The following CD96 variants were observed in gnomAD, a reference collection of about 807,000 sequenced individuals.
CD96 encodes the protein CD96 molecule.
CD96 carries 70 observed loss-of-function variants against 71.3 expected under a neutral mutation model. The observed-to-expected ratio is 0.98, with a 90% CI of 0.81 to 1.20. The LOEUF is 1.20. Ranked by LOEUF, CD96 falls within the 50% of genes most tolerant of loss-of-function variation. CD96 has a pLI of 0.00. For missense variants in CD96, 742 were observed against 677.5 expected (o/e 1.10, Z -1.06); for synonymous variants, 248 against 233.0 (o/e 1.06, Z -0.59).
intron 12 of CD96, among the ~76,000 whole-genome samples, chr3:111,638,899 G>A (rs1939461877): frequency 6.6e-6 from 1 of 151,602 alleles, no homozygotes; most frequent in African/African-American, 2.4e-5. Flanking sequence ...TTAGAGATGG[G>A]TCAAAAATGG....
chr3:111,664,510 G>A (rs531160081), intron 14 of CD96, among the ~76,000 whole-genome samples: 1 of 152,152 alleles, frequency 6.6e-6, no homozygotes, highest in African/African-American at 2.4e-5. Context: ...GACTACTAGA[G>A]CATAAAGGGA....
chr3:111,656,004 G>A (rs895845709), downstream of CD96, among the ~76,000 whole-genome samples: 10 of 151,752 alleles, frequency 6.6e-5, no homozygotes, highest in African/African-American at 2.4e-4. Context: ...GATAAATTTA[G>A]CTACTTAAGA....
rs142295060 is a variant in CD96 at position 111,645,671 on chromosome 3, T to C, written c.1478-1872T>C. 1.8e-3 allele frequency among the ~76,000 whole-genome samples: 268 copies of C among 152,294 alleles called. 2 individuals carry two copies. The highest frequency in any genetic ancestry group is 6.3e-3 in the African/African-American group (261 of 41,570). The stretch of plus-strand genomic sequence containing the variant: ...TCTAGTCCTGAGTTGACCAATTGTC[T>C]CTTTCATGATCATGCTACTCTAGTG... On this transcript the variant is annotated intron_variant, in intron 12 of 13. Coordinates refer to ENST00000352690, the MANE Select transcript of CD96 (RefSeq NM_005816.5).
chr3:111,647,803 T>G (rs1262154107), intron 13 of CD96, 137 bp downstream of exon 13: 3 of 683,516 alleles, frequency 4.4e-6, no homozygotes, highest in Non-Finnish European at 7.6e-6. Context: ...CTCAGAGAGA[T>G]TATATAGCTT....
chr3:111,561,115 T>G (rs1935372682), intron 2 of CD96, among the ~76,000 whole-genome samples: 1 of 121,372 alleles, frequency 8.2e-6, no homozygotes, highest in South Asian at 2.9e-4. Flanking sequence ...TTCTTCTAAA[T>G]TTTTTTCAAA....
chr3:111,578,156 G>A lies in CD96; in HGVS notation c.544-871G>A, dbSNP rs565973485. Among the ~76,000 whole-genome samples, 15 of 152,210 alleles carry A rather than the reference G, an allele frequency of 9.9e-5. No homozygotes were observed. The South Asian group carries it at 1.2e-3, about 13-fold the overall frequency. On this transcript the variant is annotated intron_variant, in intron 3 of 13. Coordinates refer to ENST00000352690, the MANE Select transcript of CD96 (RefSeq NM_005816.5). The stretch of plus-strand genomic sequence containing the variant: ...TAACCCATCCTCTACCCTTGTGCCC[G>A]TCAAGAATCCCCTCCTTACTGGGCC...
At chr3:111,637,517 T>C (rs868099725) in intron 11 of CD96, among the ~76,000 whole-genome samples, 2 of 152,258 alleles carry the variant, frequency 1.3e-5, no homozygotes, top group Non-Finnish European at 1.5e-5. Flanking sequence ...GTTATATCTA[T>C]GAAAAATAAA....
intron 12 of CD96, 114 bp from the exon 13 acceptor site, chr3:111,647,429 T>C: frequency 1.1e-6 from 1 of 951,506 alleles, no homozygotes. Flanking sequence ...CTCCAGAGTA[T>C]GATCACAGCC....
chr3:111,573,991 TG>T, intron 3 of CD96, among the ~76,000 whole-genome samples: 1 of 152,284 alleles, frequency 6.6e-6, no homozygotes, highest in African/African-American at 2.4e-5. Flanking sequence ...AAAATGGATG[TG>T]GGGAGCTTTG....
chr3:111,612,628 G>A (rs540690179), intron 8 of CD96, among the ~76,000 whole-genome samples: 1 of 152,322 alleles, frequency 6.6e-6, no homozygotes, highest in East Asian at 1.9e-4. Context: ...CCAAAGTCAT[G>A]CAGAAAGTAG....
chr3:111,581,450 G>A (rs1936463676), intron 4 of CD96, among the ~76,000 whole-genome samples: 1 of 152,088 alleles, frequency 6.6e-6, no homozygotes, highest in Non-Finnish European at 1.5e-5. Context: ...ATATATATCA[G>A]ATCTATTCCA....
chr3:111,601,486 T>C lies in CD96; in HGVS notation c.1087+572T>C, dbSNP rs143898738. Among the ~76,000 whole-genome samples, 334 of 152,334 alleles carry C rather than the reference T, an allele frequency of 2.2e-3. 1 individual carries two copies. Among genetic ancestry groups the C allele is most frequent in the Middle Eastern group, 0.01 (3 of 294 alleles). On this transcript the variant is annotated intron_variant, in intron 7 of 13. Coordinates refer to ENST00000352690, the MANE Select transcript of CD96 (RefSeq NM_005816.5). Reference sequence around the variant, plus strand: ...ATATAGGATTACTCTAGTTATTATATCATTTGACTAACCAGAGTATTTACT... The same window carrying C: ...ATATAGGATTACTCTAGTTATTATACCATTTGACTAACCAGAGTATTTACT...
intron 10 of CD96, among the ~76,000 whole-genome samples, chr3:111,632,191 G>A (rs544491226): frequency 6.6e-6 from 1 of 152,238 alleles, no homozygotes; most frequent in East Asian, 1.9e-4. Context: ...ACAACCTACA[G>A]AATGGGATAA....
chr3:111,645,481 A>G (rs907077147), intron 12 of CD96, among the ~76,000 whole-genome samples: 2 of 152,120 alleles, frequency 1.3e-5, no homozygotes, highest in East Asian at 3.9e-4. Context: ...GAACTTACTC[A>G]TATAATCAAA....
intron 14 of CD96, among the ~76,000 whole-genome samples, chr3:111,665,193 G>A (rs939540359): frequency 6.6e-6 from 1 of 151,212 alleles, no homozygotes; most frequent in Non-Finnish European, 1.5e-5. Context: ...GTGTGTGTGT[G>A]TATGTGTGTG....
chr3:111,626,721 C>T (rs190634712), intron 10 of CD96, among the ~76,000 whole-genome samples: 67 of 152,148 alleles, frequency 4.4e-4, no homozygotes, highest in Middle Eastern at 3.4e-3. Flanking sequence ...TTGTAGTATA[C>T]TAATAAAATA....
intron 2 of CD96, among the ~76,000 whole-genome samples, chr3:111,564,566 G>A (rs1935614735): frequency 6.6e-6 from 1 of 152,044 alleles, no homozygotes; most frequent in African/African-American, 2.4e-5. Flanking sequence ...CCAAAATTGT[G>A]CACAATTTCA....
chr3:111,543,715 T>G (rs912244272), intron 1 of CD96, among the ~76,000 whole-genome samples: 1 of 152,150 alleles, frequency 6.6e-6, no homozygotes, highest in African/African-American at 2.4e-5. Flanking sequence ...TGAGCTTATC[T>G]CAACCTTCCA....
At chr3:111,606,941 G>T (rs554201300) in intron 8 of CD96, 149 bp downstream of exon 8, 9 of 695,162 alleles carry the variant, frequency 1.3e-5, no homozygotes, top group Non-Finnish European at 1.8e-5. Context: ...GCTTTATTGA[G>T]ATATAATTCA....
Sources: gnomAD v4.1 joint callset for allele counts (sites outside exome capture counted in the v4.1 genomes callset) on GRCh38, gnomAD v4.1.1 for gene constraint, MANE v1.5 for transcripts, NCBI Gene and HGNC (gene_info 2026-07-23, HGNC 2026-07-21) for gene names.